The following MTUS2 variants were observed in gnomAD, a reference collection of about 807,000 sequenced individuals.
MTUS2 encodes microtubule associated scaffold protein 2.
MTUS2 carries 40 observed loss-of-function variants against 114.1 expected under a neutral mutation model. The observed-to-expected ratio is 0.35, with a 90% CI of 0.27 to 0.46. MTUS2 has a LOEUF of 0.46. MTUS2 is among the 20% of genes least tolerant of loss of function. The probability of loss-of-function intolerance (pLI) is 1.00; values close to 1 mark genes in which losing one functional copy is unlikely to be tolerated. For missense variants in MTUS2, 1,679 were observed against 1,705.4 expected (o/e 0.98, Z 0.27); for synonymous variants, 688 against 672.0 (o/e 1.02, Z -0.37).
At position 28,886,155 on chromosome 13, in the gene MTUS2, C is replaced by T. The variant is rs151223784; in HGVS notation, c.-243+46305C>T. On this transcript the variant is annotated intron_variant, in intron 2 of 15. Coordinates refer to ENST00000612955, the MANE Select transcript of MTUS2 (RefSeq NM_001033602.4). ...GAGTGAGGTCAGAGGGATGTAGGGG[C>T]CATACCAAGAAGGGCTTTGTAGGCC... Among the ~76,000 whole-genome samples the T allele has an allele frequency of 1.4e-3, 218 of 152,204 alleles. 2 individuals carry two copies. Among genetic ancestry groups the T allele is most frequent in the African/African-American group, 5.1e-3 (211 of 41,526 alleles).
chr13:28,899,080 C>T (rs889587272), intron 2 of MTUS2, among the ~76,000 whole-genome samples: 9 of 152,138 alleles, frequency 5.9e-5, no homozygotes, highest in African/African-American at 1.7e-4. Flanking sequence ...ATACATTTAC[C>T]CTTGACATTA....
intron 2 of MTUS2, among the ~76,000 whole-genome samples, chr13:28,973,888 C>G (rs1883967770): frequency 6.6e-6 from 1 of 152,204 alleles, no homozygotes; most frequent in African/African-American, 2.4e-5. Flanking sequence ...ATGGTGCTCT[C>G]TGCTGTCGGG....
intron 5 of MTUS2, among the ~76,000 whole-genome samples, chr13:29,258,741 A>G (rs181923924): frequency 4.5e-4 from 68 of 152,250 alleles, no homozygotes; most frequent in Non-Finnish European, 8.5e-4. Context: ...TTTAGGAAAC[A>G]ATTTATTTCT....
Position 29,025,463 on chromosome 13 carries a change from TCCCTCAGAGACCCAAACA to T in MTUS2, c.766_783del (p.Pro256_Thr261del). 6.2e-7 allele frequency: 1 copy of T among 1,612,318 alleles called. No individual in the cohort carries two copies. The highest frequency in any genetic ancestry group is 8.5e-7 in the Non-Finnish European group (1 of 1,179,314). On this transcript the variant is annotated inframe_deletion, in exon 3 of 16. Coordinates refer to ENST00000612955, the MANE Select transcript of MTUS2 (RefSeq NM_001033602.4). ...CTACCTCAGAAAGCAAGCAGAGCAC[TCCCTCAGAGACCCAAACA>T]GTGGGGGCACATGTACTGCAGGTGT... is the stretch of plus-strand genomic sequence containing the variant.
At chr13:29,487,601 G>A (rs569671614) in intron 10 of MTUS2, 102 of 405,550 alleles carry the variant, frequency 2.5e-4, no homozygotes, top group Non-Finnish European at 4.2e-4. Context: ...GTGCAAGCGC[G>A]TGGACAAGCA....
intron 8 of MTUS2, among the ~76,000 whole-genome samples, chr13:29,405,834 G>T (rs1426197962): frequency 2.7e-5 from 4 of 148,816 alleles, no homozygotes; most frequent in Non-Finnish European, 5.9e-5. Context: ...TCCGCCTCCC[G>T]GGTTTAAGCG....
At chr13:28,853,905 T>C (rs946949495) in intron 2 of MTUS2, among the ~76,000 whole-genome samples, 1 of 152,236 alleles carries the variant, frequency 6.6e-6, no homozygotes, top group Non-Finnish European at 1.5e-5. Context: ...TATAACAGTG[T>C]ATCTTGTGCT....
intron 8 of MTUS2, among the ~76,000 whole-genome samples, chr13:29,401,357 T>C (rs1874329071): frequency 6.6e-6 from 1 of 152,222 alleles, no homozygotes; most frequent in African/African-American, 2.4e-5. Flanking sequence ...TTTTAACATA[T>C]ATAAGATTTT....
intron 2 of MTUS2, among the ~76,000 whole-genome samples, chr13:28,961,913 C>T (rs1883346714): frequency 6.6e-6 from 1 of 151,920 alleles, no homozygotes; most frequent in South Asian, 2.1e-4. Flanking sequence ...AATAACACTC[C>T]CATGTCCATC....
chr13:29,077,256 T>G (rs1889232222), intron 4 of MTUS2, among the ~76,000 whole-genome samples: 1 of 152,154 alleles, frequency 6.6e-6, no homozygotes, highest in Admixed American at 6.6e-5. Context: ...AAAAAACAGC[T>G]GCTGTTTGTT....
intron 8 of MTUS2, among the ~76,000 whole-genome samples, chr13:29,420,485 C>G (rs999996981): frequency 7.2e-5 from 11 of 152,104 alleles, no homozygotes; most frequent in Non-Finnish European, 2.9e-5. Flanking sequence ...ACCATGTTGG[C>G]CAGGCTGGTT....
chr13:29,233,283 G>C (rs1038166268), intron 5 of MTUS2, among the ~76,000 whole-genome samples: 2 of 151,650 alleles, frequency 1.3e-5, no homozygotes, highest in Non-Finnish European at 2.9e-5. Flanking sequence ...GCCTAGCACA[G>C]TTGGACATAG....
At chr13:29,024,332 G>A (rs1886414007) in intron 2 of MTUS2, 125 bp from the exon 3 acceptor site, 1 of 226,024 alleles carries the variant, frequency 4.4e-6, no homozygotes, top group South Asian at 1.7e-4. Context: ...AAGGTTTTTT[G>A]AGAAAACTAT....
chr13:29,029,279 GC>G (rs1886705494), intron 3 of MTUS2, among the ~76,000 whole-genome samples: 2 of 152,228 alleles, frequency 1.3e-5, no homozygotes, highest in Non-Finnish European at 2.9e-5. Context: ...GTGCGGGGCT[GC>G]ATGGCATCTT....
chr13:28,863,104 G>T (rs1371792760), intron 2 of MTUS2, among the ~76,000 whole-genome samples: 1 of 152,210 alleles, frequency 6.6e-6, no homozygotes, highest in Non-Finnish European at 1.5e-5. Context: ...CCAGTAATGT[G>T]CAGGAGAGCT....
intron 6 of MTUS2, among the ~76,000 whole-genome samples, chr13:29,315,981 G>C (rs1391765768): frequency 1.3e-5 from 2 of 152,178 alleles, no homozygotes; most frequent in African/African-American, 4.8e-5. Flanking sequence ...GGTGCCTCTT[G>C]GGTTGCAGGT....
In MTUS2 at chr13:29,309,678, A is replaced by T. The variant is rs148080631; in HGVS notation, c.2807-14935A>T. Among the ~76,000 whole-genome samples the T allele has an allele frequency of 4.0e-3, 607 of 152,338 alleles. 1 individual carries two copies. Among genetic ancestry groups the T allele is most frequent in the African/African-American group, 0.014 (572 of 41,574 alleles). ...TTTGAGTGACACAAACATTCAGACC[A>T]CATAGTAGGTTCTAAATAAATATTT... On this transcript the variant is annotated intron_variant, in intron 6 of 15. Transcript: ENST00000612955.
chr13:29,297,610 A>C (rs1325213454), intron 6 of MTUS2, among the ~76,000 whole-genome samples: 2 of 152,192 alleles, frequency 1.3e-5, no homozygotes. Context: ...GAAAAATATG[A>C]CTTAGAGACT....
At position 29,476,578 on chromosome 13, in the gene MTUS2, A is replaced by G. The variant is rs552775305; in HGVS notation, c.3185-3572A>G. 317 of 152,058 alleles carry G rather than the reference A, an allele frequency of 2.1e-3. 2 individuals are homozygous for G. The highest frequency in any genetic ancestry group is 7.3e-3 in the African/African-American group (302 of 41,462). The allele number at this position is 152,058 out of a possible 1,614,324, so 9.4% of individuals were successfully genotyped here. On this transcript the variant is annotated intron_variant, in intron 9 of 15. Coordinates refer to ENST00000612955, the MANE Select transcript of MTUS2 (RefSeq NM_001033602.4). Reference sequence around the variant, plus strand: ...CCATACAACCCACCCATTTAAGTATACAATGTGGTGGTTTTCAGTATATTC... The same window carrying G: ...CCATACAACCCACCCATTTAAGTATGCAATGTGGTGGTTTTCAGTATATTC...
Sources: allele counts gnomAD v4.1 joint callset (sites outside exome capture counted in the v4.1 genomes callset), GRCh38; gene constraint gnomAD v4.1.1; transcripts MANE v1.5; gene names NCBI Gene and HGNC (gene_info 2026-07-23, HGNC 2026-07-21).